The following ARID2 variants were observed in gnomAD, a reference collection of about 807,000 sequenced individuals.
ARID2 encodes the protein AT-rich interaction domain 2, also known as AT-rich interactive domain-containing protein 2.
A neutral mutation model predicts 184.6 loss-of-function variants in ARID2; 32 were observed. That is an observed-to-expected ratio of 0.17 (90% confidence interval 0.13 to 0.23). The LOEUF is 0.23. ARID2 is among the 10% of genes least tolerant of loss of function. The pLI, the probability that ARID2 is intolerant of heterozygous loss-of-function variation, is 1.00. For synonymous variants in ARID2, 836 were observed against 772.6 expected (o/e 1.08, Z -1.36); for missense variants, 1,696 against 2,197.6 (o/e 0.77, Z 4.56).
chr12:45,872,781 G>A (rs1279726768), intron 16 of ARID2, among the ~76,000 whole-genome samples: 1 of 152,162 alleles, frequency 6.6e-6, no homozygotes, highest in African/African-American at 2.4e-5. Context: ...TTGCTAAGGT[G>A]TGTTTTATGT....
intron 16 of ARID2, among the ~76,000 whole-genome samples, chr12:45,861,334 G>A (rs1165249655): frequency 6.6e-6 from 1 of 152,036 alleles, no homozygotes; most frequent in African/African-American, 2.4e-5. Context: ...AAGTAATAAT[G>A]TGCTAGAAAG....
intron 3 of ARID2, among the ~76,000 whole-genome samples, chr12:45,762,957 T>C (rs1425297257): frequency 6.6e-6 from 1 of 152,212 alleles, no homozygotes; most frequent in Non-Finnish European, 1.5e-5. Context: ...ATAACTGACT[T>C]TTAAAGTATT....
intron 8 of ARID2, 93 bp from the exon 9 acceptor site, chr12:45,837,228 A>C: frequency 8.2e-7 from 1 of 1,224,004 alleles, no homozygotes; most frequent in Non-Finnish European, 1.1e-6. Context: ...ACGTTATGCA[A>C]CATTGTCCTG....
chr12:45,763,127 A>G (rs12301665), intron 3 of ARID2, among the ~76,000 whole-genome samples: 13,085 of 152,262 alleles, frequency 0.086, 1,927 homozygotes, highest in African/African-American at 0.3. Flanking sequence ...TATTCTTCAA[A>G]ACAAAAATTA....
chr12:45,788,157 A>G (rs975019622), intron 3 of ARID2, among the ~76,000 whole-genome samples: 3 of 152,190 alleles, frequency 2.0e-5, no homozygotes, highest in African/African-American at 4.8e-5. Flanking sequence ...CTTTGATTCT[A>G]TATTACTTTG....
At position 45,905,107 on chromosome 12, in the gene ARID2, C is replaced by G. The variant is rs1944507523; in HGVS notation, c.*29C>G. The stretch of plus-strand genomic sequence containing the variant: ...ATAATTCCACTTACACAGTGGGGGA[C>G]TCAAAGTCAGCCACATTTCACATAC... On this transcript the variant is annotated 3_prime_UTR_variant, in exon 21 of 21. Coordinates refer to ENST00000334344, the MANE Select transcript of ARID2 (RefSeq NM_152641.4). 4.4e-6 allele frequency: 7 copies of G among 1,603,410 alleles called. No individual in the cohort carries two copies. The highest frequency in any genetic ancestry group is 6.0e-6 in the Non-Finnish European group (7 of 1,174,480).
chr12:45,770,482 C>T (rs1941854357), intron 3 of ARID2, among the ~76,000 whole-genome samples: 1 of 152,182 alleles, frequency 6.6e-6, no homozygotes, highest in African/African-American at 2.4e-5. Context: ...CCCAGCTCAC[C>T]TGTGCTATAG....
chr12:45,816,902 G>A (rs572657084), intron 4 of ARID2, among the ~76,000 whole-genome samples: 23 of 152,176 alleles, frequency 1.5e-4, no homozygotes, highest in Non-Finnish European at 3.1e-4. Context: ...TTGAGCATGA[G>A]AAACTTTTTG....
chr12:45,749,307 C>CT (rs1243752033), intron 3 of ARID2, among the ~76,000 whole-genome samples: 8 of 151,516 alleles, frequency 5.3e-5, no homozygotes, highest in Non-Finnish European at 8.8e-5. Context: ...TGAAAGTGAT[C>CT]TTTTTTTTTG....
intron 16 of ARID2, among the ~76,000 whole-genome samples, chr12:45,876,716 A>G (rs1944015665): frequency 6.6e-6 from 1 of 151,710 alleles, no homozygotes; most frequent in African/African-American, 2.4e-5. Context: ...TGATATAAAG[A>G]CAGGAAGCAA....
At chr12:45,751,860 A>C (rs1337744829) in intron 3 of ARID2, among the ~76,000 whole-genome samples, 1 of 152,226 alleles carries the variant, frequency 6.6e-6, no homozygotes, top group Admixed American at 6.5e-5. Context: ...TGGGAGCACC[A>C]TTGTATATAT....
intron 3 of ARID2, among the ~76,000 whole-genome samples, chr12:45,806,180 G>T (rs1958754063): frequency 6.6e-6 from 1 of 151,904 alleles, no homozygotes. Flanking sequence ...AGAAATCAGA[G>T]CCTGATTCAA....
chr12:45,738,720 G>A (rs1592045938), intron 3 of ARID2, among the ~76,000 whole-genome samples: 1 of 143,146 alleles, frequency 7.0e-6, no homozygotes, highest in African/African-American at 2.6e-5. Context: ...ATGTATAAAA[G>A]CAAGGGAAAA....
In ARID2 at chr12:45,774,890, A is replaced by C. The variant is rs115636903; in HGVS notation, c.285-36528A>C. 7.5e-3 allele frequency among the ~76,000 whole-genome samples: 1,145 copies of C among 152,338 alleles called. 19 individuals are homozygous for C. Among genetic ancestry groups the C allele is most frequent in the African/African-American group, 0.026 (1,079 of 41,584 alleles). ...GCTGTTCTTGATTTTGAGCTACGGC[A>C]GTAGTTCTCCATAAGGGGTAGTTTT... On this transcript the variant is annotated intron_variant, in intron 3 of 20. Transcript: ENST00000334344.
intron 16 of ARID2, among the ~76,000 whole-genome samples, chr12:45,870,223 C>G (rs1943901723): frequency 6.6e-6 from 1 of 152,084 alleles, no homozygotes; most frequent in Non-Finnish European, 1.5e-5. Context: ...CTCCTGACTT[C>G]CTGATCCACC....
rs113608009 is a variant in ARID2, at chr12:45,778,424, A to G, written c.285-32994A>G. Among the ~76,000 whole-genome samples the G allele has an allele frequency of 7.9e-3, 1,209 of 152,310 alleles. 13 individuals carry two copies. Among genetic ancestry groups the G allele is most frequent in the African/African-American group, 0.028 (1,148 of 41,554 alleles). ...ACATTTCGTGTAAAAAAGAATATTC[A>G]TAAGTTGAATGTATGTTAGTACTTA... On this transcript the variant is annotated intron_variant, in intron 3 of 20. Transcript: ENST00000334344.
intron 3 of ARID2, among the ~76,000 whole-genome samples, chr12:45,789,945 T>A (rs1942264551): frequency 6.6e-6 from 1 of 152,144 alleles, no homozygotes; most frequent in African/African-American, 2.4e-5. Flanking sequence ...AGCAAGCTCC[T>A]CTCTACCAAA....
At chr12:45,860,974 A>C in intron 16 of ARID2, 25 bp downstream of exon 16, 1 of 1,501,980 alleles carries the variant, frequency 6.7e-7, no homozygotes, top group Non-Finnish European at 8.9e-7. Context: ...TATTTGATAT[A>C]TAAAAGTATT....
intron 11 of ARID2, among the ~76,000 whole-genome samples, chr12:45,844,682 ATTATT>A (rs1943411121): frequency 6.6e-6 from 1 of 152,228 alleles, no homozygotes; most frequent in African/African-American, 2.4e-5. Context: ...TGTGCTAGGC[ATTATT>A]TTAAGTGACT....
Sources: gnomAD v4.1 joint callset for allele counts (sites outside exome capture counted in the v4.1 genomes callset) on GRCh38, gnomAD v4.1.1 for gene constraint, MANE v1.5 for transcripts, NCBI Gene and HGNC (gene_info 2026-07-23, HGNC 2026-07-21) for gene names.